PNLIPRP3: variants seen among roughly 807,000 people sequenced by gnomAD.
The protein encoded by PNLIPRP3 is pancreatic lipase related protein 3, also known as pancreatic lipase-related protein 3.
A neutral mutation model predicts 52.8 loss-of-function variants in PNLIPRP3; 58 were observed. The ratio of observed to expected loss-of-function variants is 1.10; its 90% CI spans 0.89 to 1.37. The LOEUF is 1.37. Among genes scored for constraint, PNLIPRP3 ranks in the 40% most tolerant of loss-of-function variants. The pLI, the probability that PNLIPRP3 is intolerant of heterozygous loss-of-function variation, is 0.00. For missense variants in PNLIPRP3, 593 were observed against 561.6 expected, an observed-to-expected ratio of 1.06 and a Z score of -0.57; for synonymous variants, 192 against 185.0, an observed-to-expected ratio of 1.04 and a Z score of -0.31.
rs191177013 is a variant in PNLIPRP3, at chr10:116,467,379, G to A, written c.927+1211G>A. Among the ~76,000 whole-genome samples the A allele has an allele frequency of 4.8e-3, 725 of 152,146 alleles. 1 individual carries two copies. The highest frequency in any genetic ancestry group is 7.9e-3 in the Non-Finnish European group (537 of 68,004). On this transcript the variant is annotated intron_variant, in intron 8 of 11. Transcript: ENST00000369230. The stretch of plus-strand genomic sequence containing the variant: ...GAATAACAACTGCATTCCAGACTGG[G>A]TGACAAATTGAGACTCCATCTCAAA...
intron 6 of PNLIPRP3, 38 bp downstream of exon 6, chr10:116,461,123 AGAG>A (rs1484068135): frequency 6.2e-7 from 1 of 1,614,034 alleles, no homozygotes; most frequent in African/African-American, 1.3e-5. Context: ...ATTGAAGCAT[AGAG>A]GAGATTTTTA....
intron 2 of PNLIPRP3, chr10:116,439,810 T>A: frequency 1.3e-6 from 1 of 775,500 alleles, no homozygotes; most frequent in South Asian, 1.3e-5. Context: ...CTTAGCTGGT[T>A]CATAATCCTT....
At chr10:116,472,206 A>G (rs1846385033) in intron 10 of PNLIPRP3, among the ~76,000 whole-genome samples, 2 of 152,232 alleles carry the variant, frequency 1.3e-5, no homozygotes, top group Non-Finnish European at 2.9e-5. Flanking sequence ...TACAAATATA[A>G]GCATATATTT....
chr10:116,447,355 C>T (rs902741002), intron 4 of PNLIPRP3, among the ~76,000 whole-genome samples: 35 of 152,114 alleles, frequency 2.3e-4, no homozygotes, highest in African/African-American at 8.5e-4. Context: ...AAAGAACAAT[C>T]CATGAACACC....
chr10:116,470,997 G>C lies in PNLIPRP3; in HGVS notation c.1061-771G>C, dbSNP rs550631770. Among the ~76,000 whole-genome samples the C allele has an allele frequency of 3.3e-5, 5 of 152,298 alleles. No homozygotes were observed. The South Asian group carries it at 1.0e-3, about 32-fold the overall frequency. ...CAGCAGGGGGAGCCAGGTTCCAGTA[G>C]AATGGGCGGAGAAGAGAAAGAAAAT... On this transcript the variant is annotated intron_variant, in intron 9 of 11. Coordinates refer to ENST00000369230, the MANE Select transcript of PNLIPRP3 (RefSeq NM_001011709.3).
chr10:116,458,933 G>T (rs1846153089), intron 5 of PNLIPRP3, among the ~76,000 whole-genome samples: 1 of 152,192 alleles, frequency 6.6e-6, no homozygotes, highest in African/African-American at 2.4e-5. Context: ...TTGACCCACT[G>T]CTACCTAGCT....
At chr10:116,431,636 G>C (rs1047196389) in intron 1 of PNLIPRP3, among the ~76,000 whole-genome samples, 1 of 152,046 alleles carries the variant, frequency 6.6e-6, no homozygotes, top group Non-Finnish European at 1.5e-5. Flanking sequence ...AACAGCTTTA[G>C]GTCTGTTATT....
At chr10:116,429,496 G>A (rs983546506) in intron 1 of PNLIPRP3, among the ~76,000 whole-genome samples, 3 of 152,174 alleles carry the variant, frequency 2.0e-5, no homozygotes, top group East Asian at 1.9e-4. Flanking sequence ...AGAGAGATTC[G>A]TTGTGTAACA....
At chr10:116,433,045 C>T (rs533614749) in intron 1 of PNLIPRP3, among the ~76,000 whole-genome samples, 6 of 127,406 alleles carry the variant, frequency 4.7e-5, no homozygotes, top group Non-Finnish European at 9.4e-5. Flanking sequence ...ACCTGGGAAG[C>T]GGAGGTTGCA....
chr10:116,435,445 CAA>C (rs35013184), intron 1 of PNLIPRP3, among the ~76,000 whole-genome samples: 117 of 141,372 alleles, frequency 8.3e-4, no homozygotes, highest in Non-Finnish European at 1.3e-3. Flanking sequence ...ATAAATGAGC[CAA>C]AAAAAAAAAA....
At chr10:116,455,697 T>G (rs758313418) in intron 4 of PNLIPRP3, 25 bp from the exon 5 acceptor site, 41 of 1,540,064 alleles carry the variant, frequency 2.7e-5, no homozygotes, top group Non-Finnish European at 3.6e-5. Context: ...TTTAAAATAC[T>G]TATTCTGTTA....
In PNLIPRP3 at chr10:116,466,003, C is replaced by T. The variant is rs144600659; in HGVS notation, c.809-47C>T. 304 of 1,320,850 alleles carry T rather than the reference C, an allele frequency of 2.3e-4. 2 individuals carry two copies. The East Asian group carries it at 4.1e-3, about 18-fold the overall frequency. 81.8% of individuals were successfully genotyped at this position (1,320,850 alleles called of 1,614,324 possible). ...GTTTCTAAGATATGGTTTATGCTAC[C>T]AGTTATCAGTTAATTGCTATCAGTT... On this transcript the variant is annotated intron_variant, in intron 7 of 11. Transcript: ENST00000369230.
intron 2 of PNLIPRP3, among the ~76,000 whole-genome samples, chr10:116,437,560 G>A (rs1275238830): frequency 6.6e-6 from 1 of 152,120 alleles, no homozygotes; most frequent in Non-Finnish European, 1.5e-5. Flanking sequence ...AAGTAGTTGA[G>A]GAACAAATTG....
At chr10:116,430,594 G>C (rs1359649854) in intron 1 of PNLIPRP3, among the ~76,000 whole-genome samples, 2 of 146,218 alleles carry the variant, frequency 1.4e-5, no homozygotes, top group Non-Finnish European at 2.9e-5. Context: ...GGTTTTAATT[G>C]ACTGTAGGAT....
intron 5 of PNLIPRP3, among the ~76,000 whole-genome samples, chr10:116,460,659 A>G (rs1327402973): frequency 6.6e-6 from 1 of 152,180 alleles, no homozygotes; most frequent in Non-Finnish European, 1.5e-5. Context: ...GCTTTTCAAG[A>G]ACCTTTGTAA....
intron 5 of PNLIPRP3, among the ~76,000 whole-genome samples, 198 bp from the exon 6 acceptor site, chr10:116,460,768 T>C (rs565802930): frequency 4.6e-5 from 7 of 152,212 alleles, no homozygotes; most frequent in Non-Finnish European, 8.8e-5. Context: ...TGTCTCAACA[T>C]AGCATTACTT....
chr10:116,427,906 T>A lies in PNLIPRP3; in HGVS notation c.-107T>A. On this transcript the variant is annotated 5_prime_UTR_variant, in exon 1 of 12. The change creates a new upstream start codon in the 5' untranslated region. Coordinates refer to ENST00000369230, the MANE Select transcript of PNLIPRP3 (RefSeq NM_001011709.3). ...TTCTTTTAAACGTAGAGTTTAAACA[T>A]TGAGTTGCATCATTGTGAGGAAAAC... The A allele has an allele frequency of 1.2e-6, 1 of 810,096 alleles. No individual in the cohort carries two copies. The highest frequency in any genetic ancestry group is 2.1e-6 in the Non-Finnish European group (1 of 468,052). 50.2% of individuals were successfully genotyped at this position (810,096 alleles called of 1,614,324 possible).
intron 1 of PNLIPRP3, among the ~76,000 whole-genome samples, chr10:116,430,304 G>A (rs966694790): frequency 6.6e-6 from 1 of 152,148 alleles, no homozygotes; most frequent in Non-Finnish European, 1.5e-5. Context: ...TGAAGATGTT[G>A]GAGGTTTGAG....
chr10:116,443,924 T>C (rs1016494465), intron 3 of PNLIPRP3, among the ~76,000 whole-genome samples: 1 of 150,306 alleles, frequency 6.7e-6, no homozygotes, highest in Non-Finnish European at 1.5e-5. Context: ...TAAGTATTAC[T>C]CCATTTTCAT....
Sources: allele counts gnomAD v4.1 joint callset (sites outside exome capture counted in the v4.1 genomes callset), GRCh38; gene constraint gnomAD v4.1.1; transcripts MANE v1.5; gene names NCBI Gene and HGNC (gene_info 2026-07-23, HGNC 2026-07-21).